MAPK10: variants seen among roughly 807,000 people sequenced by gnomAD.
MAPK10 encodes the protein JNK3 alpha protein kinase.
MAPK10 carries 25 observed loss-of-function variants against 59.3 expected under a neutral mutation model. The observed-to-expected ratio is 0.42, with a 90% CI of 0.31 to 0.59. MAPK10 has a LOEUF of 0.59. Among genes scored for constraint, MAPK10 ranks in the 20% least tolerant of loss-of-function variants. The probability of loss-of-function intolerance (pLI) is 0.15; values close to 1 mark genes in which losing one functional copy is unlikely to be tolerated. For synonymous variants in MAPK10, 190 were observed against 200.5 expected, an observed-to-expected ratio of 0.95 and a Z score of 0.44; for missense variants, 351 against 568.9, an observed-to-expected ratio of 0.62 and a Z score of 3.90.
At chr4:86,160,514 T>TG (rs2069240054) in intron 3 of MAPK10, 1 of 152,046 alleles carries the variant, frequency 6.6e-6, no homozygotes, top group South Asian at 2.1e-4. Flanking sequence ...TTGACCCATT[T>TG]GGGGCATTTA....
intron 1 of MAPK10, among the ~76,000 whole-genome samples, chr4:86,383,104 T>C (rs764585151): frequency 6.6e-6 from 1 of 152,212 alleles, no homozygotes; most frequent in Non-Finnish European, 1.5e-5. Context: ...AAAATAAATG[T>C]TAAATAAAAT....
chr4:86,358,275 T>C, intron 1 of MAPK10: 1 of 985,442 alleles, frequency 1.0e-6, no homozygotes, highest in Non-Finnish European at 1.2e-6. Context: ...TTTAAATATG[T>C]TGATAAGCAT....
At chr4:86,153,003 A>G (rs1463036499) in intron 4 of MAPK10, among the ~76,000 whole-genome samples, 2 of 152,204 alleles carry the variant, frequency 1.3e-5, no homozygotes, top group East Asian at 3.8e-4. Context: ...TTTGGGCTGT[A>G]GGTTACTTTT....
intron 2 of MAPK10, among the ~76,000 whole-genome samples, chr4:86,270,361 G>T (rs933441362): frequency 1.3e-5 from 2 of 150,046 alleles, no homozygotes; most frequent in African/African-American, 4.9e-5. Flanking sequence ...AGCAATGAAT[G>T]AAAAAAAATG....
intron 3 of MAPK10, among the ~76,000 whole-genome samples, chr4:86,191,446 A>C (rs2149308707): frequency 6.6e-6 from 1 of 152,102 alleles, no homozygotes; most frequent in Middle Eastern, 3.4e-3. Flanking sequence ...GGGTGCATAT[A>C]AATTTAAGAG....
chr4:86,539,631 T>G (rs1758520726), intron 1 of MAPK10, among the ~76,000 whole-genome samples: 1 of 152,208 alleles, frequency 6.6e-6, no homozygotes. Context: ...AGGCTAAGAT[T>G]AAATCATTAT....
At chr4:86,333,744 C>G (rs2096208788) in intron 2 of MAPK10, among the ~76,000 whole-genome samples, 1 of 152,118 alleles carries the variant, frequency 6.6e-6, no homozygotes, top group Non-Finnish European at 1.5e-5. Context: ...AGTTACTTAA[C>G]CTTTCTGGGG....
At chr4:86,144,802 A>G (rs1005499367) in intron 4 of MAPK10, among the ~76,000 whole-genome samples, 11 of 152,302 alleles carry the variant, frequency 7.2e-5, no homozygotes, top group African/African-American at 2.4e-4. Flanking sequence ...TTGAGTAATA[A>G]TACTCTGCCA....
intron 2 of MAPK10, among the ~76,000 whole-genome samples, chr4:86,202,249 T>C (rs1462332868): frequency 2.0e-5 from 3 of 152,064 alleles, no homozygotes; most frequent in Non-Finnish European, 4.4e-5. Flanking sequence ...CTCACTGTCT[T>C]GCAGCATACA....
intron 2 of MAPK10, among the ~76,000 whole-genome samples, chr4:86,195,632 T>C (rs2081114502): frequency 6.6e-6 from 1 of 152,220 alleles, no homozygotes. Context: ...GCAGGTTTGT[T>C]ACATAGGTAT....
chr4:86,110,007 G>T (rs558632508), intron 4 of MAPK10, among the ~76,000 whole-genome samples: 1 of 152,060 alleles, frequency 6.6e-6, no homozygotes, highest in Non-Finnish European at 1.5e-5. Context: ...TTTCATGTTT[G>T]TTGGCTGCAT....
At chr4:86,376,815 T>C (rs1739890349) in intron 1 of MAPK10, among the ~76,000 whole-genome samples, 1 of 152,154 alleles carries the variant, frequency 6.6e-6, no homozygotes, top group Non-Finnish European at 1.5e-5. Context: ...AAGAAAACAA[T>C]TCAAATTCAA....
At chr4:86,286,844 T>C (rs779878174) in intron 2 of MAPK10, among the ~76,000 whole-genome samples, 10 of 152,288 alleles carry the variant, frequency 6.6e-5, no homozygotes, top group Middle Eastern at 3.4e-3. Flanking sequence ...AGTTTGTTGA[T>C]GATGCTTCTC....
At chr4:86,562,592 G>T (rs951244751) in intron 1 of MAPK10, among the ~76,000 whole-genome samples, 1 of 151,862 alleles carries the variant, frequency 6.6e-6, no homozygotes, top group African/African-American at 2.4e-5. Context: ...CTACTTGGGA[G>T]GTTGAGGTGG....
At chr4:86,223,347 C>T (rs1207185154) in intron 2 of MAPK10, among the ~76,000 whole-genome samples, 1 of 152,128 alleles carries the variant, frequency 6.6e-6, no homozygotes, top group Non-Finnish European at 1.5e-5. Context: ...ACATCTGGAT[C>T]ACCTATAATG....
chr4:86,481,134 T>C (rs893297768), intron 1 of MAPK10, among the ~76,000 whole-genome samples: 11 of 152,130 alleles, frequency 7.2e-5, no homozygotes, highest in African/African-American at 2.7e-4. Flanking sequence ...AGGAAACCAG[T>C]GGAAGGTTAG....
At chr4:86,542,237 C>T (rs966255168) in intron 1 of MAPK10, among the ~76,000 whole-genome samples, 60 of 152,192 alleles carry the variant, frequency 3.9e-4, no homozygotes, top group African/African-American at 1.4e-3. Context: ...GCACCCTGGG[C>T]CAGCCAGCAG....
intron 13 of MAPK10, among the ~76,000 whole-genome samples, chr4:86,019,283 C>G (rs888933685): frequency 1.3e-5 from 2 of 152,016 alleles, no homozygotes; most frequent in Non-Finnish European, 2.9e-5. Context: ...TTTTTATATA[C>G]AGAAAAGCTT....
intron 12 of MAPK10, among the ~76,000 whole-genome samples, chr4:86,030,753 A>C (rs1264985400): frequency 6.6e-6 from 1 of 152,140 alleles, no homozygotes; most frequent in Non-Finnish European, 1.5e-5. Flanking sequence ...AATTCCTGCA[A>C]GGTAGCTCAA....
Sources: allele counts gnomAD v4.1 joint callset (sites outside exome capture counted in the v4.1 genomes callset), GRCh38; gene constraint gnomAD v4.1.1; transcripts MANE v1.5; gene names NCBI Gene and HGNC (gene_info 2026-07-23, HGNC 2026-07-21).